TECPR1: variants seen among roughly 807,000 people sequenced by gnomAD.
TECPR1 encodes tectonin beta-propeller repeat containing 1.
Under a neutral mutation model 162.4 loss-of-function variants are expected in TECPR1, and 122 were observed. The ratio of observed to expected loss-of-function variants is 0.75; its 90% confidence interval spans 0.65 to 0.87. The LOEUF (loss-of-function observed/expected upper bound fraction) is 0.87, where lower values mean the gene tolerates loss of function less well. TECPR1 is among the 40% of genes least tolerant of loss of function. The pLI, the probability that TECPR1 is intolerant of heterozygous loss-of-function variation, is 0.00. For synonymous variants in TECPR1, 642 were observed against 670.6 expected (o/e 0.96, Z 0.66); for missense variants, 1,432 against 1,618.2 (o/e 0.88, Z 1.97).
intron 2 of TECPR1, among the ~76,000 whole-genome samples, chr7:98,248,572 T>C (rs946547394): frequency 9.2e-6 from 1 of 108,504 alleles, no homozygotes; most frequent in Non-Finnish European, 1.8e-5. Context: ...CCAGGTGTGG[T>C]GGCTCACACC....
At chr7:98,218,244 G>C (rs909462602) in intron 23 of TECPR1, among the ~76,000 whole-genome samples, 5 of 152,222 alleles carry the variant, frequency 3.3e-5, no homozygotes, top group African/African-American at 9.6e-5. Flanking sequence ...GCTGCAGCCA[G>C]CTCCGCCTTC....
At chr7:98,221,638 A>C (rs752227481) in intron 23 of TECPR1, 23 bp downstream of exon 23, 6 of 1,610,524 alleles carry the variant, frequency 3.7e-6, no homozygotes, top group South Asian at 3.3e-5. Context: ...AAACATTAAA[A>C]ATTTAAAAAA....
At chr7:98,221,813 G>C in intron 22 of TECPR1, 60 bp from the exon 23 acceptor site, 2 of 1,418,306 alleles carry the variant, frequency 1.4e-6, no homozygotes, top group Non-Finnish European at 2.0e-6. Context: ...GGCCAGGTGG[G>C]GCTGTGGGCC....
At chr7:98,235,523 TAA>T (rs35562090) in intron 10 of TECPR1, among the ~76,000 whole-genome samples, 2 of 116,670 alleles carry the variant, frequency 1.7e-5, no homozygotes, top group African/African-American at 3.4e-5. Context: ...AGACTCCGTC[TAA>T]AAAAAAAAAA....
chr7:98,241,050 G>A lies in TECPR1; in HGVS notation c.832+20C>T, dbSNP rs776676483. The A allele has an allele frequency of 1.3e-6, 2 of 1,594,800 alleles. No individual in the cohort carries two copies. Among genetic ancestry groups the A allele is most frequent in the Admixed American group, 1.7e-5 (1 of 57,752 alleles). ...TCTCCCCAGTACAGGGTATGTGGGT[G>A]GGGGAGCCGGGCTGCCCACCTTTGG... On this transcript the variant is annotated intron_variant, in intron 7 of 25. Transcript: ENST00000447648. This position sits in a 1 kb window ranked among gnomAD's most constrained non-coding sequence, Gnocchi z 5.0.
In TECPR1 at chr7:98,223,158, C is replaced by A; in HGVS notation, c.2760G>T (p.Leu920=). 6.2e-7 allele frequency: 1 copy of A among 1,601,082 alleles called. No individual in the cohort carries two copies. The highest frequency in any genetic ancestry group is 8.5e-7 in the Non-Finnish European group (1 of 1,174,426). ...CCTCCAGCCAGGGCCCACTGGTCACCAGCTTGCATTTTCTGTACAGTGGAG... is the reference window on the plus strand; with the variant it reads ...CCTCCAGCCAGGGCCCACTGGTCACAAGCTTGCATTTTCTGTACAGTGGAG... ...RRRCWARKCK[L]VTSGPWLEVP... Residue 920 remains leucine (L), a synonymous_variant, in exon 21 of 26, where the codon CTG becomes CTT. Transcript: ENST00000447648.
chr7:98,229,104 C>T lies in TECPR1; in HGVS notation c.2345G>A (p.Trp782Ter). 6.3e-7 allele frequency: 1 copy of T among 1,577,214 alleles called. No individual in the cohort carries two copies. Among genetic ancestry groups the T allele is most frequent in the Non-Finnish European group, 8.6e-7 (1 of 1,162,402 alleles). Residue 782 changes from tryptophan to a stop codon, truncating the protein, a stop_gained, in exon 16 of 26, where the codon TGG becomes TAG. Transcript: ENST00000447648. LOFTEE classifies it high-confidence loss of function. ...GGCCGTGTGGTCATAGCCGATGCCC[C>T]ACACCACGCCCCGGCTGTTGGCCTC... is the stretch of plus-strand genomic sequence containing the variant. ...MVEANSRGVVWGIGYDHTAWV... is the reference protein window; with the variant it reads ...MVEANSRGVV
chr7:98,244,802 A>AGGGTGCAGGGGAC (rs1798859347), intron 4 of TECPR1, 83 bp downstream of exon 4: 4 of 1,585,668 alleles, frequency 2.5e-6, no homozygotes, highest in African/African-American at 2.7e-5. Context: ...CAGGCACCAC[A>AGGGTGCAGGGGAC]GGGTGCAGGG....
chr7:98,248,473 G>A (rs1231475291), intron 2 of TECPR1, among the ~76,000 whole-genome samples: 1 of 148,928 alleles, frequency 6.7e-6, no homozygotes, highest in Non-Finnish European at 1.5e-5. Context: ...AGACGGCCGG[G>A]TGACTGTGAC....
chr7:98,233,935 C>G, intron 10 of TECPR1, 24 bp from the exon 11 acceptor site: 1 of 1,495,084 alleles, frequency 6.7e-7, no homozygotes, highest in Non-Finnish European at 9.0e-7. Context: ...AGGGCAGACC[C>G]ATCACTCCCT....
intron 3 of TECPR1, among the ~76,000 whole-genome samples, chr7:98,245,344 C>G (rs2270597): frequency 0.25 from 38,116 of 152,236 alleles, 5,175 homozygotes; most frequent in East Asian, 0.46. Flanking sequence ...GGAGGGCACA[C>G]CTTGTCCTAG....
Position 98,229,243 on chromosome 7 carries a change from G to A in TECPR1, c.2283-77C>T, listed in dbSNP as rs73710400. 351 of 1,497,188 alleles carry A rather than the reference G, an allele frequency of 2.3e-4. 1 individual carries two copies. The African/African-American group carries it at 4.1e-3, about 18-fold the overall frequency. The allele number at this position is 1,497,188 out of a possible 1,614,324, so 92.7% of individuals were successfully genotyped here. On this transcript the variant is annotated intron_variant, in intron 15 of 25. Coordinates refer to ENST00000447648, the MANE Select transcript of TECPR1 (RefSeq NM_015395.3). ...CCCTGCCTGGCTGCCCTTTTGTTCC[G>A]TGTCCTCCTGTGGTTCTGGGATTTT...
Position 98,225,118 on chromosome 7 carries a change from A to G in TECPR1, c.2514-16T>C. 1 of 1,558,114 alleles carries G rather than the reference A, an allele frequency of 6.4e-7. No individual in the cohort carries two copies. Among genetic ancestry groups the G allele is most frequent in the Non-Finnish European group, 8.7e-7 (1 of 1,152,482 alleles). ...GGGCAGACCCCTGCGGCAGGACAAC[A>G]GGGCAGGTGACGAGGGAGACTGGGG... On this transcript the variant is annotated splice_polypyrimidine_tract_variant and intron_variant, in intron 17 of 25. Coordinates refer to ENST00000447648, the MANE Select transcript of TECPR1 (RefSeq NM_015395.3).
rs147880774 is a variant in TECPR1 at position 98,219,341 on chromosome 7, T to C, written c.3158-1299A>G. Among the ~76,000 whole-genome samples, 648 of 152,310 alleles carry C rather than the reference T, an allele frequency of 4.3e-3. 18 individuals carry two copies. The highest frequency in any genetic ancestry group is 0.037 in the Admixed American group (565 of 15,300). On this transcript the variant is annotated intron_variant, in intron 23 of 25. Transcript: ENST00000447648. ...GGGCTTTGCCTGGGCAAAGGATTTC[T>C]GACTAAGATTCCAAAAGCAAATGCA...
In TECPR1 at chr7:98,223,778, G is replaced by A. The variant is rs556625533; in HGVS notation, c.2691-60C>T. Reference sequence around the variant, plus strand: ...TCGTGGAAGTTTCTGGAAAGGGACCGTGCATGTAAACATTCTTGTTCTACC... The same window carrying A: ...TCGTGGAAGTTTCTGGAAAGGGACCATGCATGTAAACATTCTTGTTCTACC... On this transcript the variant is annotated intron_variant, in intron 19 of 25. Transcript: ENST00000447648. 35 of 1,566,306 alleles carry A rather than the reference G, an allele frequency of 2.2e-5. No homozygotes were observed. In the East Asian group the frequency reaches 2.9e-4, roughly 13 times the overall value.
intron 2 of TECPR1, among the ~76,000 whole-genome samples, chr7:98,250,254 CA>C (rs1204293636): frequency 1.3e-4 from 19 of 151,340 alleles, no homozygotes; most frequent in Admixed American, 1.2e-3. Context: ...GGAAAATCCT[CA>C]ATAAAATGCT....
Position 98,214,947 on chromosome 7 carries a change from G to A in TECPR1, c.*2443C>T, listed in dbSNP as rs1797967034. 6.6e-6 allele frequency: 1 copy of A among 152,454 alleles called. No individual in the cohort carries two copies. The highest frequency in any genetic ancestry group is 1.5e-5 in the Non-Finnish European group (1 of 68,206). The allele number at this position is 152,454 out of a possible 1,614,324, so 9.4% of individuals were successfully genotyped here. On this transcript the variant is annotated 3_prime_UTR_variant, in exon 26 of 26. Transcript: ENST00000447648. ...GCCACATCACACAGGATCCTCAGCA[G>A]CCATAGTCTCGCTTCAGGGTGTCCA...
intron 2 of TECPR1, among the ~76,000 whole-genome samples, chr7:98,247,914 T>TG (rs1798954036): frequency 6.6e-6 from 1 of 151,752 alleles, no homozygotes; most frequent in South Asian, 2.1e-4. Flanking sequence ...TTTGTAGAGA[T>TG]GGGGTCTCGC....
chr7:98,232,842 C>T lies in TECPR1; in HGVS notation c.1803G>A (p.Glu601=), dbSNP rs1798480970. Reference sequence around the variant, plus strand: ...GGGCACCCACCTGCTCCACGGCCTGCTCGTAGTGTCTGAAGTTCTCCAGCT... The same window carrying T: ...GGGCACCCACCTGCTCCACGGCCTGTTCGTAGTGTCTGAAGTTCTCCAGCT... ...KRELENFRHY[E]QAVEQSVWVK... Residue 601 remains glutamate, a synonymous_variant, in exon 12 of 26, where the codon GAG becomes GAA. Coordinates refer to ENST00000447648, the MANE Select transcript of TECPR1 (RefSeq NM_015395.3). This position sits in a 1 kb window ranked among gnomAD's most constrained non-coding sequence, Gnocchi z 4.6. The T allele has an allele frequency of 6.2e-7, 1 of 1,607,068 alleles. No homozygotes were observed. The highest frequency in any genetic ancestry group is 1.1e-5 in the South Asian group (1 of 90,124).
Sources: allele counts gnomAD v4.1 joint callset (sites outside exome capture counted in the v4.1 genomes callset), GRCh38; gene constraint gnomAD v4.1.1; non-coding constraint Gnocchi (gnomAD v3.1); transcripts MANE v1.5; gene names NCBI Gene and HGNC (gene_info 2026-07-23, HGNC 2026-07-21).